The following CELF4 variants were observed in gnomAD, a reference collection of about 807,000 sequenced individuals.
CELF4 encodes the protein CUGBP Elav-like family member 4.
In CELF4, 18 loss-of-function variants were observed where a neutral mutation model predicts 59.9. The ratio of observed to expected loss-of-function variants is 0.30; its 90% confidence interval spans 0.21 to 0.45. CELF4 has a LOEUF of 0.45. Ranked by LOEUF, CELF4 falls within the 20% of genes least tolerant of loss-of-function variation. The pLI is 1.00. For synonymous variants in CELF4, 261 were observed against 267.1 expected, an observed-to-expected ratio of 0.98 and a Z score of 0.22; for missense variants, 456 against 689.0, an observed-to-expected ratio of 0.66 and a Z score of 3.79.
intron 2 of CELF4, among the ~76,000 whole-genome samples, chr18:37,408,459 GTTT>G (rs5824056): frequency 7.9e-6 from 1 of 126,838 alleles, no homozygotes; most frequent in African/African-American, 2.9e-5. Flanking sequence ...AATCAAGAAG[GTTT>G]TTTTTTTTTT....
chr18:37,274,165 C>G (rs544218574), intron 6 of CELF4, 146 bp downstream of exon 6: 24 of 1,476,868 alleles, frequency 1.6e-5, no homozygotes, highest in East Asian at 9.8e-5. Context: ...TTAAACCCCC[C>G]AGGTTCATGG....
intron 1 of CELF4, among the ~76,000 whole-genome samples, chr18:37,512,593 CCTT>C (rs893367578): frequency 3.3e-5 from 5 of 151,576 alleles, no homozygotes; most frequent in Admixed American, 2.0e-4. Context: ...TCGTCTTCCT[CCTT>C]CTCTTCTTTC....
chr18:37,280,483 T>C (rs1246279321), intron 3 of CELF4, among the ~76,000 whole-genome samples: 10 of 152,288 alleles, frequency 6.6e-5, no homozygotes, highest in Non-Finnish European at 2.9e-5. Context: ...CAGAGCCTCT[T>C]CATTGGAGCC....
intron 2 of CELF4, among the ~76,000 whole-genome samples, chr18:37,411,539 TG>T (rs1400714801): frequency 6.6e-6 from 1 of 152,188 alleles, no homozygotes; most frequent in African/African-American, 2.4e-5. Flanking sequence ...GACTTATTCA[TG>T]AGGGGCACTG....
At chr18:37,409,727 G>GT (rs1390635108) in intron 2 of CELF4, among the ~76,000 whole-genome samples, 1 of 152,094 alleles carries the variant, frequency 6.6e-6, no homozygotes, top group African/African-American at 2.4e-5. Flanking sequence ...ATGGTAGGGA[G>GT]GGGACAGAAG....
At chr18:37,541,209 T>C (rs965590919) in intron 1 of CELF4, among the ~76,000 whole-genome samples, 52 of 152,244 alleles carry the variant, frequency 3.4e-4, no homozygotes, top group African/African-American at 1.3e-3. Flanking sequence ...GCCTTCCTAA[T>C]GCCTCTCCTT....
At position 37,348,400 on chromosome 18, in the gene CELF4, G is replaced by A. The variant is rs111238920; in HGVS notation, c.370-26519C>T. On this transcript the variant is annotated intron_variant, in intron 2 of 12. Coordinates refer to ENST00000420428, the MANE Select transcript of CELF4 (RefSeq NM_020180.4). Reference sequence around the variant, plus strand: ...TGCCCACTGAAGCCTTCCTCCCTCCGGCCAGGGATGTGAATGCACCCCCGG... The same window carrying A: ...TGCCCACTGAAGCCTTCCTCCCTCCAGCCAGGGATGTGAATGCACCCCCGG... Among the ~76,000 whole-genome samples the A allele has an allele frequency of 8.9e-3, 1,359 of 152,060 alleles. 24 individuals are homozygous for A. Among genetic ancestry groups the A allele is most frequent in the African/African-American group, 0.031 (1,268 of 41,470 alleles).
intron 2 of CELF4, among the ~76,000 whole-genome samples, chr18:37,443,406 T>A (rs139252445): frequency 2.5e-3 from 380 of 152,104 alleles, no homozygotes; most frequent in African/African-American, 8.8e-3. Context: ...TCTAGCACAC[T>A]CCCTCTGCAT....
At chr18:37,419,954 G>A (rs1254365011) in intron 2 of CELF4, among the ~76,000 whole-genome samples, 1 of 152,210 alleles carries the variant, frequency 6.6e-6, no homozygotes. Context: ...CTCACAAAAC[G>A]GCCACTCCGG....
chr18:37,514,345 T>A (rs1445717132), intron 1 of CELF4, among the ~76,000 whole-genome samples: 1 of 152,202 alleles, frequency 6.6e-6, no homozygotes, highest in Non-Finnish European at 1.5e-5. Context: ...GAACACTGTT[T>A]TCTGGCCCAG....
intron 2 of CELF4, among the ~76,000 whole-genome samples, chr18:37,373,180 C>T (rs1447176205): frequency 6.6e-6 from 1 of 152,230 alleles, no homozygotes; most frequent in African/African-American, 2.4e-5. Context: ...ACTCTACTCT[C>T]TGTTGCATGC....
chr18:37,372,023 ATTG>A (rs1313433914), intron 2 of CELF4, among the ~76,000 whole-genome samples: 1 of 152,242 alleles, frequency 6.6e-6, no homozygotes, highest in Non-Finnish European at 1.5e-5. Context: ...CTACTTTTAC[ATTG>A]TTGGTGGGAG....
At chr18:37,510,534 C>G (rs1440051062) in intron 1 of CELF4, among the ~76,000 whole-genome samples, 1 of 152,250 alleles carries the variant, frequency 6.6e-6, no homozygotes, top group East Asian at 1.9e-4. Context: ...CGTCTCTGCT[C>G]TCTACCTCAC....
chr18:37,255,603 C>T (rs1479131101), intron 11 of CELF4, among the ~76,000 whole-genome samples: 1 of 151,678 alleles, frequency 6.6e-6, no homozygotes, highest in African/African-American at 2.4e-5. Context: ...CTCCGCTGAC[C>T]TGTATGTCTA....
At chr18:37,442,449 A>T (rs916148127) in intron 2 of CELF4, among the ~76,000 whole-genome samples, 6 of 152,218 alleles carry the variant, frequency 3.9e-5, no homozygotes, top group Non-Finnish European at 5.9e-5. Flanking sequence ...CCCATTTGCA[A>T]ATTAATGGCT....
intron 2 of CELF4, among the ~76,000 whole-genome samples, chr18:37,434,444 C>T (rs1193856632): frequency 6.6e-6 from 1 of 152,172 alleles, no homozygotes. Flanking sequence ...GTACCAGTCA[C>T]CTTCATGGGG....
chr18:37,257,932 T>A (rs1237567584), intron 11 of CELF4, among the ~76,000 whole-genome samples: 1 of 152,130 alleles, frequency 6.6e-6, no homozygotes, highest in Non-Finnish European at 1.5e-5. Flanking sequence ...GATATGAAAT[T>A]CCAGGAGGAG....
chr18:37,564,705 T>C (rs1225960544), intron 1 of CELF4, among the ~76,000 whole-genome samples: 1 of 151,922 alleles, frequency 6.6e-6, no homozygotes, highest in Non-Finnish European at 1.5e-5. Flanking sequence ...AATTCTTGCC[T>C]TAGGTTTTAT....
chr18:37,323,627 C>T (rs911478497), intron 2 of CELF4, among the ~76,000 whole-genome samples: 2 of 152,078 alleles, frequency 1.3e-5, no homozygotes, highest in Non-Finnish European at 2.9e-5. Context: ...TCCTGGAATG[C>T]CCCGCCCTCC....
Sources: allele counts gnomAD v4.1 joint callset (sites outside exome capture counted in the v4.1 genomes callset), GRCh38; gene constraint gnomAD v4.1.1; transcripts MANE v1.5; gene names NCBI Gene and HGNC (gene_info 2026-07-23, HGNC 2026-07-21).